GRIK4: variants seen among roughly 807,000 people sequenced by gnomAD.
GRIK4 encodes the protein glutamate ionotropic receptor kainate type subunit 4.
Under a neutral mutation model 104.9 loss-of-function variants are expected in GRIK4, and 40 were observed. The observed-to-expected ratio is 0.38, with a 90% CI of 0.30 to 0.50. The LOEUF is 0.50. Among genes scored for constraint, GRIK4 ranks in the 20% least tolerant of loss-of-function variants. GRIK4 has a pLI of 0.93. For missense variants in GRIK4, 1,047 were observed against 1,308.1 expected, an observed-to-expected ratio of 0.80 and a Z score of 3.08; for synonymous variants, 485 against 524.9, an observed-to-expected ratio of 0.92 and a Z score of 1.04.
chr11:120,878,225 A>G (rs1307232055), intron 11 of GRIK4, among the ~76,000 whole-genome samples: 1 of 152,214 alleles, frequency 6.6e-6, no homozygotes, highest in Non-Finnish European at 1.5e-5. Flanking sequence ...GTAGACGTGC[A>G]CCAGGATGAC....
Position 120,939,133 on chromosome 11 carries a change from TCCCACTG to T in GRIK4, c.1477-1210_1477-1204del, listed in dbSNP as rs1943663570. On this transcript the variant is annotated intron_variant, in intron 13 of 20. Coordinates refer to ENST00000527524, the MANE Select transcript of GRIK4 (RefSeq NM_014619.5). The surrounding 1 kb of genome is among the most constrained non-coding windows in gnomAD (Gnocchi z 5.6). ...GAACTGAGCACCAGTTCTGGGCTTT[TCCCACTG>T]CCCCATGTGTAGGAGAGTAGACTAA... Among the ~76,000 whole-genome samples the T allele has an allele frequency of 1.1e-5, 1 of 88,054 alleles. No homozygotes were observed. The highest frequency in any genetic ancestry group is 3.0e-5 in the African/African-American group (1 of 33,176). 57.8% of individuals were successfully genotyped at this position (88,054 alleles called of 152,430 possible). A position where few individuals can be genotyped will look rare whatever the true frequency, so the allele number is the denominator to read the frequency against.
Position 120,527,935 on chromosome 11 carries a change from CG to C in GRIK4, c.-159+16049del, listed in dbSNP as rs1239289765. Reference sequence around the variant, plus strand: ...TCCTGGCCCTCAGCAGGGACACATGCGTTGTGAATAGAGTGAGCTCATCAAC... The same window carrying C: ...TCCTGGCCCTCAGCAGGGACACATGCTTGTGAATAGAGTGAGCTCATCAAC... On this transcript the variant is annotated intron_variant, in intron 1 of 20. Transcript: ENST00000527524. Among the ~76,000 whole-genome samples the C allele has an allele frequency of 4.6e-5, 7 of 152,282 alleles. No homozygotes were observed. In the South Asian group the frequency reaches 6.2e-4, roughly 14 times the overall value.
chr11:120,736,776 CTCTCT>C, intron 3 of GRIK4, among the ~76,000 whole-genome samples: 2 of 150,650 alleles, frequency 1.3e-5, no homozygotes. Context: ...CTCTCTCTCT[CTCTCT>C]CCCCTCACCC....
chr11:120,575,565 G>A (rs1459344905), intron 1 of GRIK4, among the ~76,000 whole-genome samples: 1 of 152,084 alleles, frequency 6.6e-6, no homozygotes, highest in African/African-American at 2.4e-5. Context: ...TAGAGTGTGG[G>A]TGTGGGTTTG....
At chr11:120,529,780 C>T (rs1947904329) in intron 1 of GRIK4, among the ~76,000 whole-genome samples, 1 of 152,244 alleles carries the variant, frequency 6.6e-6, no homozygotes. Flanking sequence ...TCACATCCAG[C>T]ATCTCATTTA....
chr11:120,607,366 C>T (rs574093576), intron 1 of GRIK4, among the ~76,000 whole-genome samples: 12 of 152,224 alleles, frequency 7.9e-5, no homozygotes, highest in African/African-American at 2.6e-4. Context: ...CACCACAGCA[C>T]GTTGGTGTGC....
chr11:120,808,096 GA>G (rs540661608), intron 4 of GRIK4, among the ~76,000 whole-genome samples: 5 of 151,992 alleles, frequency 3.3e-5, no homozygotes, highest in East Asian at 1.9e-4. Flanking sequence ...CTTAAGGCAG[GA>G]AAAAAAATGG....
chr11:120,516,675 G>T (rs1162566584), intron 1 of GRIK4, among the ~76,000 whole-genome samples: 1 of 152,156 alleles, frequency 6.6e-6, no homozygotes, highest in African/African-American at 2.4e-5. Flanking sequence ...AGGGGGGTAA[G>T]CTTGAATGAC....
intron 13 of GRIK4, among the ~76,000 whole-genome samples, chr11:120,920,160 G>A (rs556496123): frequency 1.3e-4 from 20 of 152,218 alleles, no homozygotes; most frequent in African/African-American, 2.4e-4. Context: ...GTCTCCCAAC[G>A]TTTCTCAACC....
chr11:120,579,343 C>T (rs79261767), intron 1 of GRIK4, among the ~76,000 whole-genome samples: 1,808 of 152,204 alleles, frequency 0.012, 25 homozygotes, highest in East Asian at 0.064. Context: ...AAGGAGCCAG[C>T]CACACAGAGT....
In GRIK4 at chr11:120,549,997, T is replaced by C. The variant is rs1256683348; in HGVS notation, c.-159+38110T>C. On this transcript the variant is annotated intron_variant, in intron 1 of 20. Coordinates refer to ENST00000527524, the MANE Select transcript of GRIK4 (RefSeq NM_014619.5). This position sits in a 1 kb window ranked among gnomAD's most constrained non-coding sequence, Gnocchi z 4.7. Reference sequence around the variant, plus strand: ...CACTTGCAAGGGGTTTGGTTCTAAGTGCAATGAAAAGCCATTAAAGGAATT... The same window carrying C: ...CACTTGCAAGGGGTTTGGTTCTAAGCGCAATGAAAAGCCATTAAAGGAATT... Among the ~76,000 whole-genome samples the C allele has an allele frequency of 1.3e-5, 2 of 152,078 alleles. No homozygotes were observed. The highest frequency in any genetic ancestry group is 3.9e-4 in the East Asian group (2 of 5,184).
At chr11:120,879,457 T>G (rs151187847) in intron 11 of GRIK4, among the ~76,000 whole-genome samples, 1 of 152,350 alleles carries the variant, frequency 6.6e-6, no homozygotes, top group Non-Finnish European at 1.5e-5. Flanking sequence ...GGGTTGCAAT[T>G]GGTAAAACGT....
chr11:120,774,629 T>TA (rs1952006646), intron 3 of GRIK4, among the ~76,000 whole-genome samples: 2 of 152,270 alleles, frequency 1.3e-5, no homozygotes, highest in Admixed American at 6.5e-5. Flanking sequence ...GTTAATCATA[T>TA]AAAAAATACC....
At position 120,964,249 on chromosome 11, in the gene GRIK4, C is replaced by A. The variant is rs192657697; in HGVS notation, c.2266+1568C>A. Among the ~76,000 whole-genome samples the A allele has an allele frequency of 3.2e-3, 484 of 152,262 alleles. 6 individuals carry two copies. The highest frequency in any genetic ancestry group is 0.011 in the African/African-American group (453 of 41,542). The stretch of plus-strand genomic sequence containing the variant: ...TCAGGTGATCCACCCACCTCAGCCT[C>A]CCAAAGTGCTGGGATTACAGGCGTG... On this transcript the variant is annotated intron_variant, in intron 18 of 20. Transcript: ENST00000527524.
At chr11:120,944,060 C>T (rs2134657692) in intron 14 of GRIK4, among the ~76,000 whole-genome samples, 1 of 152,284 alleles carries the variant, frequency 6.6e-6, no homozygotes, top group East Asian at 1.9e-4. Flanking sequence ...TTACCACCTA[C>T]TCCCTGTTAC....
chr11:120,544,504 T>C lies in GRIK4; in HGVS notation c.-159+32617T>C, dbSNP rs558995412. On this transcript the variant is annotated intron_variant, in intron 1 of 20. Coordinates refer to ENST00000527524, the MANE Select transcript of GRIK4 (RefSeq NM_014619.5). Reference sequence around the variant, plus strand: ...TGCCACCACATCTGGCTAATTTTTCTACTTTTAGTAGAGCCGGGGTTTCAC... The same window carrying C: ...TGCCACCACATCTGGCTAATTTTTCCACTTTTAGTAGAGCCGGGGTTTCAC... 9.9e-5 allele frequency among the ~76,000 whole-genome samples: 15 copies of C among 152,280 alleles called. No homozygotes were observed. In the East Asian group the frequency reaches 2.3e-3, roughly 24 times the overall value.
intron 1 of GRIK4, among the ~76,000 whole-genome samples, chr11:120,538,398 C>T (rs1051942225): frequency 6.6e-6 from 1 of 152,220 alleles, no homozygotes; most frequent in Admixed American, 6.5e-5. Flanking sequence ...GTCTGATTCC[C>T]TCCCCAGGGG....
rs901036140 is a variant in GRIK4, at chr11:120,710,437, G to A, written c.82+50037G>A. Among the ~76,000 whole-genome samples the A allele has an allele frequency of 2.6e-5, 4 of 152,232 alleles. No individual in the cohort carries two copies. In the East Asian group the frequency reaches 5.8e-4, roughly 22 times the overall value. The stretch of plus-strand genomic sequence containing the variant: ...GACCCCAGGGGTGGCTCTTCTGATC[G>A]ACGGCACTGACTCACTCTGGCCCCT... On this transcript the variant is annotated intron_variant, in intron 3 of 20. Coordinates refer to ENST00000527524, the MANE Select transcript of GRIK4 (RefSeq NM_014619.5).
At chr11:120,552,861 G>C (rs962099831) in intron 1 of GRIK4, among the ~76,000 whole-genome samples, 1 of 152,102 alleles carries the variant, frequency 6.6e-6, no homozygotes, top group African/African-American at 2.4e-5. Flanking sequence ...TTAGCTGGGC[G>C]TGGTGGCAGG....
Sources: gnomAD v4.1 joint callset for allele counts (sites outside exome capture counted in the v4.1 genomes callset) on GRCh38, gnomAD v4.1.1 for gene constraint, Gnocchi (gnomAD v3.1) non-coding constraint, MANE v1.5 for transcripts, NCBI Gene and HGNC (gene_info 2026-07-23, HGNC 2026-07-21) for gene names.